Variants in NTRK3 observed in about 807,000 individuals in gnomAD.
The protein encoded by NTRK3 is NT-3 growth factor receptor.
NTRK3 carries 24 observed loss-of-function variants against 91.7 expected under a neutral mutation model. The ratio of observed to expected loss-of-function variants is 0.26; its 90% confidence interval spans 0.19 to 0.37. The LOEUF is 0.37. Among genes scored for constraint, NTRK3 ranks in the 10% least tolerant of loss-of-function variants. NTRK3 has a pLI of 1.00. For synonymous variants in NTRK3, 483 were observed against 404.0 expected (o/e 1.20, Z -2.34); for missense variants, 880 against 1,068.9 (o/e 0.82, Z 2.46).
At chr15:87,971,242 G>C (rs1161731911) in intron 14 of NTRK3, among the ~76,000 whole-genome samples, 1 of 152,174 alleles carries the variant, frequency 6.6e-6, no homozygotes, top group Non-Finnish European at 1.5e-5. Flanking sequence ...TCCCTGGCCA[G>C]CTCTATATCT....
At chr15:88,215,271 G>C (rs1473970026) in intron 3 of NTRK3, among the ~76,000 whole-genome samples, 3 of 152,222 alleles carry the variant, frequency 2.0e-5, no homozygotes, top group Admixed American at 1.3e-4. Flanking sequence ...CATCACGCTT[G>C]GGGGTTGGAG....
chr15:88,242,469 T>G (rs1026371908), intron 3 of NTRK3, among the ~76,000 whole-genome samples: 2 of 152,200 alleles, frequency 1.3e-5, no homozygotes, highest in Non-Finnish European at 2.9e-5. Context: ...TCTTTAAACT[T>G]TACATTAGAT....
chr15:88,130,027 C>T (rs1389760660), intron 10 of NTRK3, among the ~76,000 whole-genome samples: 1 of 152,114 alleles, frequency 6.6e-6, no homozygotes, highest in Non-Finnish European at 1.5e-5. Flanking sequence ...AGAACACTGC[C>T]ATCTGCAAGC....
At chr15:87,936,868 G>T (rs2069333911) in intron 15 of NTRK3, among the ~76,000 whole-genome samples, 1 of 152,086 alleles carries the variant, frequency 6.6e-6, no homozygotes. Flanking sequence ...CTTAAAACTG[G>T]CCATTGGCTT....
chr15:88,131,071 C>T (rs2041286448), intron 10 of NTRK3, among the ~76,000 whole-genome samples: 1 of 152,144 alleles, frequency 6.6e-6, no homozygotes, highest in South Asian at 2.1e-4. Context: ...TAAAAAGAAA[C>T]ACAGATTACT....
intron 14 of NTRK3, among the ~76,000 whole-genome samples, chr15:88,032,040 A>C (rs2078583632): frequency 6.6e-6 from 1 of 152,162 alleles, no homozygotes; most frequent in Non-Finnish European, 1.5e-5. Context: ...CCTGTTCTCC[A>C]GGAGCTGCTG....
At chr15:87,871,394 T>G in exon 19 of NTRK3, 1 of 230,826 alleles carries the variant, frequency 4.3e-6, no homozygotes. Flanking sequence ...ACACCTACTA[T>G]GGTCAGCAGT....
intron 14 of NTRK3, among the ~76,000 whole-genome samples, chr15:87,990,590 C>T (rs568781668): frequency 7.1e-4 from 108 of 152,226 alleles, no homozygotes; most frequent in South Asian, 6.4e-3. Flanking sequence ...GACCAGAGCC[C>T]AATTATTTGC....
intron 13 of NTRK3, among the ~76,000 whole-genome samples, chr15:88,089,270 G>T (rs2048792972): frequency 6.6e-6 from 1 of 152,134 alleles, no homozygotes; most frequent in Non-Finnish European, 1.5e-5. Context: ...CCTCGGCTCA[G>T]TTATCTGCAA....
At position 88,166,811 on chromosome 15, in the gene NTRK3, C is replaced by A. The variant is rs140681125; in HGVS notation, c.395+16607G>T. On this transcript the variant is annotated intron_variant, in intron 5 of 18. Coordinates refer to ENST00000394480, the Ensembl canonical transcript of NTRK3. ...ACCTTGAGCACGTTACATAACCTCT[C>A]TGAGCCCCAGAGTCCTCATGTATAA... is the stretch of plus-strand genomic sequence containing the variant. 2.7e-3 allele frequency among the ~76,000 whole-genome samples: 410 copies of A among 152,286 alleles called. 7 individuals carry two copies. The East Asian group carries it at 0.032, about 12-fold the overall frequency.
chr15:88,232,998 C>A (rs555895849), intron 3 of NTRK3, among the ~76,000 whole-genome samples: 4 of 152,292 alleles, frequency 2.6e-5, no homozygotes, highest in Admixed American at 2.0e-4. Flanking sequence ...GACCCTCCCC[C>A]CAGCCCAGAG....
At chr15:87,983,490 C>T (rs1005245693) in intron 14 of NTRK3, among the ~76,000 whole-genome samples, 5 of 152,192 alleles carry the variant, frequency 3.3e-5, no homozygotes, top group African/African-American at 1.2e-4. Context: ...GCCCTGGAAT[C>T]CATAGATCTA....
At chr15:88,209,461 G>A (rs58529968) in intron 3 of NTRK3, among the ~76,000 whole-genome samples, 44 of 152,274 alleles carry the variant, frequency 2.9e-4, no homozygotes, top group African/African-American at 4.6e-4. Context: ...TCAGGAAAAC[G>A]GAATTCACAT....
chr15:88,110,380 A>C (rs1055090901), intron 13 of NTRK3, among the ~76,000 whole-genome samples: 3 of 152,252 alleles, frequency 2.0e-5, no homozygotes, highest in Non-Finnish European at 4.4e-5. Context: ...GGAGGAGAAC[A>C]TTCTCCCCCA....
At chr15:88,232,061 T>C (rs2051239710) in intron 3 of NTRK3, among the ~76,000 whole-genome samples, 1 of 152,192 alleles carries the variant, frequency 6.6e-6, no homozygotes, top group African/African-American at 2.4e-5. Flanking sequence ...AGCTCATCTG[T>C]GGCCGCTCAT....
chr15:88,077,317 A>G (rs2047635940), intron 13 of NTRK3, among the ~76,000 whole-genome samples: 2 of 151,944 alleles, frequency 1.3e-5, no homozygotes, highest in East Asian at 1.9e-4. Context: ...CCAATGTTTT[A>G]TCTTGAGTCA....
At chr15:87,949,871 C>T (rs1472318205) in intron 14 of NTRK3, among the ~76,000 whole-genome samples, 1 of 152,186 alleles carries the variant, frequency 6.6e-6, no homozygotes, top group African/African-American at 2.4e-5. Flanking sequence ...AAGTTAGGTG[C>T]TGAAAGATGA....
At chr15:88,161,499 C>T (rs2044453784) in intron 5 of NTRK3, among the ~76,000 whole-genome samples, 1 of 152,174 alleles carries the variant, frequency 6.6e-6, no homozygotes, top group Non-Finnish European at 1.5e-5. Context: ...GCCTTCCTCA[C>T]CCCCAGGTCT....
intron 14 of NTRK3, among the ~76,000 whole-genome samples, chr15:88,014,321 A>C (rs899697940): frequency 6.6e-6 from 1 of 152,214 alleles, no homozygotes; most frequent in East Asian, 1.9e-4. Context: ...ATGAGACAAC[A>C]GCCATTGGTC....
Sources: allele counts gnomAD v4.1 joint callset (sites outside exome capture counted in the v4.1 genomes callset), GRCh38; gene constraint gnomAD v4.1.1; transcripts MANE v1.5; gene names NCBI Gene and HGNC (gene_info 2026-07-23, HGNC 2026-07-21).